Variants in NKAIN3 observed in about 807,000 individuals in gnomAD.
The protein encoded by NKAIN3 is sodium/potassium-transporting ATPase subunit beta-1-interacting protein 3.
Under a neutral mutation model 30.2 loss-of-function variants are expected in NKAIN3, and 25 were observed. The ratio of observed to expected loss-of-function variants is 0.83; its 90% CI spans 0.60 to 1.16. The LOEUF (loss-of-function observed/expected upper bound fraction) is 1.16, where lower values mean the gene tolerates loss of function less well. Ranked by LOEUF, NKAIN3 falls within the 50% of genes most tolerant of loss-of-function variation. NKAIN3 has a pLI of 0.00. For missense variants in NKAIN3, 225 were observed against 254.1 expected (o/e 0.89, Z 0.78); for synonymous variants, 91 against 89.6 (o/e 1.02, Z -0.09).
intron 1 of NKAIN3, among the ~76,000 whole-genome samples, chr8:62,489,375 C>G (rs1807001558): frequency 1.3e-5 from 2 of 152,102 alleles, no homozygotes; most frequent in South Asian, 4.1e-4. Context: ...TATATATTCT[C>G]AATTTTTAAA....
intron 3 of NKAIN3, among the ~76,000 whole-genome samples, chr8:62,646,255 T>TAAA (rs1195056953): frequency 6.6e-6 from 1 of 152,032 alleles, no homozygotes; most frequent in Non-Finnish European, 1.5e-5. Flanking sequence ...ATTAAGAGGT[T>TAAA]TAAATAAAAT....
chr8:62,251,457 T>C (rs1812101191), intron 1 of NKAIN3, among the ~76,000 whole-genome samples: 2 of 152,150 alleles, frequency 1.3e-5, no homozygotes, highest in South Asian at 4.1e-4. Flanking sequence ...TGAAAAACTC[T>C]TGGTTTTATA....
intron 1 of NKAIN3, among the ~76,000 whole-genome samples, chr8:62,541,085 G>C (rs1808824422): frequency 6.6e-6 from 1 of 152,030 alleles, no homozygotes. Flanking sequence ...TGAGGTGGGG[G>C]GATCACTTGA....
intron 3 of NKAIN3, among the ~76,000 whole-genome samples, chr8:62,613,486 T>C (rs1473854620): frequency 6.6e-6 from 1 of 152,046 alleles, no homozygotes; most frequent in Non-Finnish European, 1.5e-5. Flanking sequence ...TGATTATTAA[T>C]TGCCTTAAAG....
intron 1 of NKAIN3, among the ~76,000 whole-genome samples, chr8:62,443,201 A>G (rs993745792): frequency 9.9e-5 from 15 of 151,918 alleles, no homozygotes; most frequent in African/African-American, 3.4e-4. Context: ...ACAATTGTTT[A>G]TGAATCTATT....
intron 1 of NKAIN3, among the ~76,000 whole-genome samples, chr8:62,541,637 T>C (rs1808843894): frequency 6.6e-6 from 1 of 152,174 alleles, no homozygotes; most frequent in African/African-American, 2.4e-5. Flanking sequence ...GCACCACTCA[T>C]CTTTTTTCTA....
chr8:62,575,360 C>T (rs1258478824), intron 1 of NKAIN3, among the ~76,000 whole-genome samples: 1 of 152,006 alleles, frequency 6.6e-6, no homozygotes, highest in East Asian at 1.9e-4. Context: ...AAAGTAATCC[C>T]ATTTATAATA....
Position 62,990,956 on chromosome 8 carries a change from A to G in NKAIN3, c.533-8275A>G, listed in dbSNP as rs574130423. ...GTGAGATCATGGTGCCCTACCTTCA[A>G]TAGGGTGGCCAGAAAACACCTCTCT... On this transcript the variant is annotated intron_variant, in intron 5 of 5. Transcript: ENST00000519049. 4 of 152,368 alleles carry G rather than the reference A, an allele frequency of 2.6e-5. No individual in the cohort carries two copies. The South Asian group carries it at 6.2e-4, about 24-fold the overall frequency. 9.4% of individuals were successfully genotyped at this position (152,368 alleles called of 1,614,324 possible).
At chr8:62,396,296 A>T (rs6988498) in intron 1 of NKAIN3, among the ~76,000 whole-genome samples, 37,588 of 152,018 alleles carry the variant, frequency 0.25, 5,116 homozygotes, top group East Asian at 0.45. Flanking sequence ...TAGGCAGTTC[A>T]GTTTAGAGAA....
chr8:62,520,870 C>A (rs190317202), intron 1 of NKAIN3, among the ~76,000 whole-genome samples: 3 of 151,580 alleles, frequency 2.0e-5, no homozygotes, highest in Admixed American at 2.0e-4. Context: ...GAGAGACAAG[C>A]GAAATGTCAC....
chr8:62,926,630 T>C (rs1822454220), intron 5 of NKAIN3, among the ~76,000 whole-genome samples: 2 of 152,192 alleles, frequency 1.3e-5, no homozygotes, highest in African/African-American at 4.8e-5. Context: ...ATTTTGGGGA[T>C]GAATAATTGA....
chr8:62,318,592 A>G (rs933530386), intron 1 of NKAIN3, among the ~76,000 whole-genome samples: 2 of 149,466 alleles, frequency 1.3e-5, no homozygotes, highest in Non-Finnish European at 1.5e-5. Flanking sequence ...TGAGATAATC[A>G]TGTGGTTTTT....
intron 1 of NKAIN3, among the ~76,000 whole-genome samples, chr8:62,287,894 G>A (rs572388115): frequency 8.5e-5 from 13 of 152,190 alleles, no homozygotes; most frequent in East Asian, 3.9e-4. Flanking sequence ...CCCTCTGGTC[G>A]TGCTCTAATC....
chr8:62,562,205 T>C (rs1809606553), intron 1 of NKAIN3, among the ~76,000 whole-genome samples: 1 of 152,164 alleles, frequency 6.6e-6, no homozygotes. Flanking sequence ...CTAATCAAAC[T>C]TTCAAACTTT....
intron 4 of NKAIN3, among the ~76,000 whole-genome samples, chr8:62,854,272 A>C (rs1394872622): frequency 2.0e-5 from 3 of 152,148 alleles, no homozygotes; most frequent in Non-Finnish European, 4.4e-5. Flanking sequence ...TTCTGCCTCA[A>C]TGATCTGCCT....
At chr8:62,925,720 T>C (rs1822414904) in intron 5 of NKAIN3, among the ~76,000 whole-genome samples, 1 of 152,192 alleles carries the variant, frequency 6.6e-6, no homozygotes, top group African/African-American at 2.4e-5. Flanking sequence ...TGCAGTTCTA[T>C]AGATGATGCT....
intron 4 of NKAIN3, among the ~76,000 whole-genome samples, chr8:62,801,634 A>G (rs1818066403): frequency 1.3e-5 from 2 of 152,194 alleles, no homozygotes; most frequent in East Asian, 3.9e-4. Context: ...ACCATCATCA[A>G]AGACCAAAAG....
chr8:62,718,538 G>A (rs1427920727), intron 3 of NKAIN3, among the ~76,000 whole-genome samples: 1 of 152,064 alleles, frequency 6.6e-6, no homozygotes, highest in African/African-American at 2.4e-5. Context: ...TGTAAGCACA[G>A]TATTATTTAT....
intron 3 of NKAIN3, among the ~76,000 whole-genome samples, chr8:62,600,202 T>G (rs1296963360): frequency 6.6e-6 from 1 of 152,082 alleles, no homozygotes; most frequent in Admixed American, 6.6e-5. Flanking sequence ...ATTAGTAGTC[T>G]TAGAGAATTT....
Sources: gnomAD v4.1 joint callset for allele counts (sites outside exome capture counted in the v4.1 genomes callset) on GRCh38, gnomAD v4.1.1 for gene constraint, MANE v1.5 for transcripts, NCBI Gene and HGNC (gene_info 2026-07-23, HGNC 2026-07-21) for gene names.